The following MTUS1 variants were observed in gnomAD, a reference collection of about 807,000 sequenced individuals.
MTUS1 encodes microtubule associated scaffold protein 1.
Under a neutral mutation model 120.8 loss-of-function variants are expected in MTUS1, and 109 were observed. The ratio of observed to expected loss-of-function variants is 0.90; its 90% CI spans 0.77 to 1.06. The LOEUF (loss-of-function observed/expected upper bound fraction) is 1.06. Ranked by LOEUF, MTUS1 falls within the 50% of genes least tolerant of loss-of-function variation. The probability of loss-of-function intolerance (pLI) is 0.00; values close to 1 mark genes in which losing one functional copy is unlikely to be tolerated. For synonymous variants in MTUS1, 737 were observed against 550.5 expected (o/e 1.34, Z -4.74); for missense variants, 2,210 against 1,486.3 (o/e 1.49, Z -8.01).
At chr8:17,691,746 T>A (rs1351876684) in intron 6 of MTUS1, among the ~76,000 whole-genome samples, 1 of 152,232 alleles carries the variant, frequency 6.6e-6, no homozygotes. Flanking sequence ...TTCATTGACG[T>A]CTACATTTTG....
chr8:17,740,740 C>T (rs1051183517), intron 3 of MTUS1, among the ~76,000 whole-genome samples: 5 of 152,198 alleles, frequency 3.3e-5, no homozygotes, highest in African/African-American at 1.2e-4. Context: ...TCTCACAGTT[C>T]TGAAGGCTGG....
intron 2 of MTUS1, among the ~76,000 whole-genome samples, chr8:17,752,443 A>T (rs2048270837): frequency 1.3e-5 from 2 of 152,236 alleles, no homozygotes; most frequent in South Asian, 4.1e-4. Flanking sequence ...TAACTTAAAA[A>T]CTAAATCTGA....
intron 1 of MTUS1, among the ~76,000 whole-genome samples, chr8:17,778,357 T>C (rs892621577): frequency 2.6e-5 from 4 of 152,178 alleles, no homozygotes; most frequent in Admixed American, 2.0e-4. Context: ...TGTCTAAGAA[T>C]GGGCAAAGAC....
chr8:17,656,085 A>G lies in MTUS1; in HGVS notation c.2906-20T>C, dbSNP rs1808164184. The G allele has an allele frequency of 6.2e-7, 1 of 1,607,008 alleles. No homozygotes were observed. Among genetic ancestry groups the G allele is most frequent in the Non-Finnish European group, 8.5e-7 (1 of 1,173,508 alleles). ...CAGTGACTGAAAACAGAGGAGAAAG[A>G]AGAGGGAAGAGGTCATTTTATTTGT... On this transcript the variant is annotated intron_variant, in intron 8 of 14. Coordinates refer to ENST00000693296, the MANE Select transcript of MTUS1 (RefSeq NM_001363059.2).
intron 1 of MTUS1, among the ~76,000 whole-genome samples, chr8:17,789,356 G>C (rs999831641): frequency 6.6e-5 from 10 of 152,126 alleles, no homozygotes; most frequent in Admixed American, 2.0e-4. Context: ...ATTATATGCA[G>C]TTAGTTTTTA....
chr8:17,749,382 G>C (rs1185442791), intron 2 of MTUS1, among the ~76,000 whole-genome samples: 3 of 152,038 alleles, frequency 2.0e-5, no homozygotes, highest in Admixed American at 6.6e-5. Context: ...CTTTAGGCTG[G>C]GGGTGGTGGC....
rs190757924 is a variant in MTUS1 at position 17,776,614 on chromosome 8, G to C, written c.-154-20653C>G. ...GAATCACTTGAACTCGGGAGGTGGAGGTTGTAGTGAGGTGAGACTGCACCA... is the reference window on the plus strand; with the variant it reads ...GAATCACTTGAACTCGGGAGGTGGACGTTGTAGTGAGGTGAGACTGCACCA... On this transcript the variant is annotated intron_variant, in intron 1 of 14. Coordinates refer to ENST00000693296, the MANE Select transcript of MTUS1 (RefSeq NM_001363059.2). 3.3e-4 allele frequency among the ~76,000 whole-genome samples: 49 copies of C among 147,694 alleles called. No homozygotes were observed. The East Asian group carries it at 0.01, about 31-fold the overall frequency.
intron 1 of MTUS1, among the ~76,000 whole-genome samples, chr8:17,772,510 G>A (rs6998733): frequency 0.44 from 67,167 of 151,930 alleles, 15,619 homozygotes; most frequent in Middle Eastern, 0.55. Flanking sequence ...AGTAGAAGAG[G>A]CCAGTGTACT....
At chr8:17,797,981 G>C (rs1037899133) in intron 1 of MTUS1, among the ~76,000 whole-genome samples, 4 of 152,012 alleles carry the variant, frequency 2.6e-5, no homozygotes, top group Non-Finnish European at 5.9e-5. Context: ...AATTAATCCA[G>C]GAAATTTTTT....
chr8:17,733,110 G>C (rs1468214242), intron 3 of MTUS1, among the ~76,000 whole-genome samples: 1 of 152,166 alleles, frequency 6.6e-6, no homozygotes, highest in Non-Finnish European at 1.5e-5. Context: ...CAGCACTTTG[G>C]AAGGCCGAGG....
At chr8:17,651,056 G>C (rs1226727667) in intron 12 of MTUS1, among the ~76,000 whole-genome samples, 3 of 152,168 alleles carry the variant, frequency 2.0e-5, no homozygotes, top group African/African-American at 7.2e-5. Flanking sequence ...CGTGTTCCAC[G>C]GGTTAAGCGC....
chr8:17,794,130 C>A (rs1210133001), intron 1 of MTUS1, among the ~76,000 whole-genome samples: 2 of 152,042 alleles, frequency 1.3e-5, no homozygotes, highest in African/African-American at 4.8e-5. Flanking sequence ...GAGTTCGAGA[C>A]CAGCCTGATC....
At chr8:17,738,334 G>A (rs967323767) in intron 3 of MTUS1, among the ~76,000 whole-genome samples, 13 of 152,156 alleles carry the variant, frequency 8.5e-5, no homozygotes, top group African/African-American at 2.2e-4. Context: ...CACGGGGCAG[G>A]GAGAGCATTC....
intron 1 of MTUS1, among the ~76,000 whole-genome samples, chr8:17,791,722 G>T (rs1184891275): frequency 6.6e-6 from 1 of 152,168 alleles, no homozygotes; most frequent in Non-Finnish European, 1.5e-5. Flanking sequence ...AAGGAAGAGG[G>T]AAAGTTATCA....
chr8:17,739,751 G>A (rs2047177944), intron 3 of MTUS1, among the ~76,000 whole-genome samples: 1 of 152,130 alleles, frequency 6.6e-6, no homozygotes, highest in African/African-American at 2.4e-5. Flanking sequence ...CTAAAACTGA[G>A]CCTGGAACCC....
chr8:17,762,210 C>G (rs772323548), intron 1 of MTUS1, among the ~76,000 whole-genome samples: 1 of 151,914 alleles, frequency 6.6e-6, no homozygotes, highest in Non-Finnish European at 1.5e-5. Context: ...ACTCAGGAGG[C>G]GGAGGTCGCA....
intron 2 of MTUS1, among the ~76,000 whole-genome samples, chr8:17,752,702 TCCTCTTGCCACGAGC>T (rs1459109632): frequency 2.6e-5 from 4 of 152,162 alleles, no homozygotes; most frequent in Non-Finnish European, 5.9e-5. Context: ...TGTGCTTCAT[TCCTCTTGCCACGAGC>T]CCTCCAAGGG....
At chr8:17,760,827 A>C (rs1379229322) in intron 1 of MTUS1, among the ~76,000 whole-genome samples, 1 of 151,938 alleles carries the variant, frequency 6.6e-6, no homozygotes, top group Admixed American at 6.6e-5. Flanking sequence ...AAAAAACTTG[A>C]AACAAACCAT....
At position 17,676,395 on chromosome 8, in the gene MTUS1, G is replaced by A. The variant is rs1020554179; in HGVS notation, c.2839-1143C>T. 5.0e-5 allele frequency: 35 copies of A among 700,784 alleles called. No individual in the cohort carries two copies. In the Admixed American group the frequency reaches 5.2e-4, roughly 10 times the overall value. 43.4% of individuals were successfully genotyped at this position (700,784 alleles called of 1,614,324 possible). The stretch of plus-strand genomic sequence containing the variant: ...GTGCAAGAAGCATACAGGTGGCCGC[G>A]CCACCCACCAGTCGGGTCTGTCTAC... On this transcript the variant is annotated intron_variant, in intron 7 of 14. Coordinates refer to ENST00000693296, the MANE Select transcript of MTUS1 (RefSeq NM_001363059.2).
Sources: allele counts gnomAD v4.1 joint callset (sites outside exome capture counted in the v4.1 genomes callset), GRCh38; gene constraint gnomAD v4.1.1; transcripts MANE v1.5; gene names NCBI Gene and HGNC (gene_info 2026-07-23, HGNC 2026-07-21).